Variants in KCTD8 observed in about 807,000 individuals in gnomAD.
The protein encoded by KCTD8 is BTB/POZ domain-containing protein KCTD8.
KCTD8 carries 27 observed loss-of-function variants against 31.5 expected under a neutral mutation model. The ratio of observed to expected loss-of-function variants is 0.86; its 90% CI spans 0.63 to 1.18. KCTD8 has a LOEUF of 1.18. Among genes scored for constraint, KCTD8 ranks in the 50% most tolerant of loss-of-function variants. The pLI is 0.00. For synonymous variants in KCTD8, 290 were observed against 280.0 expected (o/e 1.04, Z -0.36); for missense variants, 658 against 647.7 (o/e 1.02, Z -0.17).
chr4:44,398,438 A>C (rs1457392068), intron 1 of KCTD8, among the ~76,000 whole-genome samples: 1 of 152,222 alleles, frequency 6.6e-6, no homozygotes, highest in East Asian at 1.9e-4. Context: ...TATAAGGAAA[A>C]GTGACTTATT....
At chr4:44,209,572 T>TG (rs1714420591) in intron 1 of KCTD8, among the ~76,000 whole-genome samples, 1 of 149,386 alleles carries the variant, frequency 6.7e-6, no homozygotes, top group Non-Finnish European at 1.5e-5. Context: ...GATGACTGAT[T>TG]GATTGATTGA....
At chr4:44,301,434 T>G (rs1249076248) in intron 1 of KCTD8, among the ~76,000 whole-genome samples, 1 of 152,220 alleles carries the variant, frequency 6.6e-6, no homozygotes, top group African/African-American at 2.4e-5. Flanking sequence ...TGTTATCTCA[T>G]TGTGGTTTTG....
chr4:44,202,276 A>C (rs1264222776), intron 1 of KCTD8, among the ~76,000 whole-genome samples: 1 of 152,148 alleles, frequency 6.6e-6, no homozygotes, highest in Non-Finnish European at 1.5e-5. Context: ...TAAATCTAAA[A>C]GTTCCATTTC....
intron 1 of KCTD8, among the ~76,000 whole-genome samples, chr4:44,355,355 A>T (rs1719315879): frequency 6.6e-6 from 1 of 152,110 alleles, no homozygotes; most frequent in Non-Finnish European, 1.5e-5. Flanking sequence ...AGTTAGTGAG[A>T]TCAATTAAGA....
chr4:44,307,048 G>A (rs1446958670), intron 1 of KCTD8, among the ~76,000 whole-genome samples: 3 of 151,820 alleles, frequency 2.0e-5, no homozygotes, highest in Admixed American at 6.6e-5. Context: ...TAACTAAAGC[G>A]GCCATAAACA....
At chr4:44,328,408 T>C (rs889466207) in intron 1 of KCTD8, among the ~76,000 whole-genome samples, 3 of 151,844 alleles carry the variant, frequency 2.0e-5, no homozygotes, top group African/African-American at 7.3e-5. Flanking sequence ...TAGAAAGAGG[T>C]CTTTACCCAG....
At chr4:44,434,609 AC>A (rs1429620739) in intron 1 of KCTD8, among the ~76,000 whole-genome samples, 1 of 151,964 alleles carries the variant, frequency 6.6e-6, no homozygotes, top group Non-Finnish European at 1.5e-5. Flanking sequence ...TTGCTGCCAG[AC>A]ATAGTGTGAG....
At chr4:44,197,445 C>A (rs534914197) in intron 1 of KCTD8, among the ~76,000 whole-genome samples, 2 of 152,046 alleles carry the variant, frequency 1.3e-5, no homozygotes, top group African/African-American at 4.8e-5. Context: ...ATCTCTCTCC[C>A]CCAACCACCG....
chr4:44,187,839 C>A (rs916821719), intron 1 of KCTD8, among the ~76,000 whole-genome samples: 5 of 151,994 alleles, frequency 3.3e-5, no homozygotes, highest in African/African-American at 1.2e-4. Flanking sequence ...TTTATATGAA[C>A]ATAAAACCAC....
intron 1 of KCTD8, among the ~76,000 whole-genome samples, chr4:44,186,398 T>C (rs947272189): frequency 6.6e-6 from 1 of 152,208 alleles, no homozygotes; most frequent in African/African-American, 2.4e-5. Flanking sequence ...CTTGCACTCA[T>C]GCTCCAAGCC....
chr4:44,319,891 G>T (rs1377432201), intron 1 of KCTD8, among the ~76,000 whole-genome samples: 1 of 151,976 alleles, frequency 6.6e-6, no homozygotes, highest in Non-Finnish European at 1.5e-5. Context: ...GAGATTCTAG[G>T]CCGGGCGCAG....
chr4:44,346,749 C>T (rs1719047505), intron 1 of KCTD8, among the ~76,000 whole-genome samples: 1 of 152,150 alleles, frequency 6.6e-6, no homozygotes, highest in Non-Finnish European at 1.5e-5. Flanking sequence ...CAAGCTGACA[C>T]TCATTTATAG....
intron 1 of KCTD8, among the ~76,000 whole-genome samples, chr4:44,270,201 C>T (rs1342919615): frequency 5.2e-4 from 79 of 152,066 alleles, no homozygotes; most frequent in Non-Finnish European, 1.8e-4. Flanking sequence ...CCATGGAATG[C>T]TATGCAACCA....
chr4:44,212,046 T>C (rs1416783708), intron 1 of KCTD8, among the ~76,000 whole-genome samples: 1 of 152,128 alleles, frequency 6.6e-6, no homozygotes, highest in Non-Finnish European at 1.5e-5. Flanking sequence ...ACACAGAGAA[T>C]AGATTTGGAA....
Position 44,403,307 on chromosome 4 carries a change from A to T in KCTD8, c.961+44256T>A, listed in dbSNP as rs139816601. Among the ~76,000 whole-genome samples the T allele has an allele frequency of 7.5e-4, 114 of 152,220 alleles. No individual in the cohort carries two copies. The East Asian group carries it at 0.015, about 20-fold the overall frequency. ...GTTTTATGCATCTCAATAATAAAAA[A>T]ATATATTTCAATCATACTAGAGGAA... On this transcript the variant is annotated intron_variant, in intron 1 of 1. Transcript: ENST00000360029.
At chr4:44,337,423 C>T (rs1417069731) in intron 1 of KCTD8, among the ~76,000 whole-genome samples, 2 of 151,880 alleles carry the variant, frequency 1.3e-5, no homozygotes, top group African/African-American at 4.8e-5. Context: ...CGCCTGTAAT[C>T]CCAGCACTTC....
Position 44,421,535 on chromosome 4 carries a change from T to C in KCTD8, c.961+26028A>G, listed in dbSNP as rs140099637. Among the ~76,000 whole-genome samples the C allele has an allele frequency of 8.8e-4, 134 of 152,266 alleles. 1 individual carries two copies. The Middle Eastern group carries it at 0.01, about 12-fold the overall frequency. On this transcript the variant is annotated intron_variant, in intron 1 of 1. Transcript: ENST00000360029. ...TGATGCTGAGGCAAGAGATACAATA[T>C]TTCTGGGCTTTCTCATATCCTCTGG...
rs140185262 is a variant in KCTD8 at position 44,194,660 on chromosome 4, G to A, written c.962-19410C>T. 9.3e-3 allele frequency among the ~76,000 whole-genome samples: 1,411 copies of A among 152,040 alleles called. 22 individuals carry two copies. The highest frequency in any genetic ancestry group is 0.032 in the African/African-American group (1,336 of 41,468). On this transcript the variant is annotated intron_variant, in intron 1 of 1. Transcript: ENST00000360029. ...TTCATGTGGTTCAGTGAAAGTAATC[G>A]GGGTGCCTACTCTTTGTTCACTTTA... is the stretch of plus-strand genomic sequence containing the variant.
At chr4:44,351,725 G>C (rs1161649703) in intron 1 of KCTD8, among the ~76,000 whole-genome samples, 7 of 152,020 alleles carry the variant, frequency 4.6e-5, no homozygotes, top group Non-Finnish European at 8.8e-5. Flanking sequence ...TAAGATCCTT[G>C]AAATAATGAA....
Sources: allele counts gnomAD v4.1 joint callset (sites outside exome capture counted in the v4.1 genomes callset), GRCh38; gene constraint gnomAD v4.1.1; transcripts MANE v1.5; gene names NCBI Gene and HGNC (gene_info 2026-07-23, HGNC 2026-07-21).